CUBN: variants seen among roughly 807,000 people sequenced by gnomAD.
CUBN encodes the protein cubilin.
Under a neutral mutation model 405.3 loss-of-function variants are expected in CUBN, and 282 were observed. The observed-to-expected ratio is 0.70, with a 90% CI of 0.63 to 0.77. The LOEUF is 0.77. Ranked by LOEUF, CUBN falls within the 30% of genes least tolerant of loss-of-function variation. The probability of loss-of-function intolerance (pLI) is 0.00; values close to 1 mark genes in which losing one functional copy is unlikely to be tolerated. For missense variants in CUBN, 4,514 were observed against 4,475.2 expected, an observed-to-expected ratio of 1.01 and a Z score of -0.25; for synonymous variants, 1,684 against 1,617.0, an observed-to-expected ratio of 1.04 and a Z score of -0.99.
Position 17,065,652 on chromosome 10 carries a change from A to C in CUBN, c.3009-14T>G, listed in dbSNP as rs1462049547. 1 of 1,612,908 alleles carries C rather than the reference A, an allele frequency of 6.2e-7. No individual in the cohort carries two copies. Among genetic ancestry groups the C allele is most frequent in the East Asian group, 2.2e-5 (1 of 44,852 alleles). On this transcript the variant is annotated splice_polypyrimidine_tract_variant and intron_variant, in intron 21 of 66. Coordinates refer to ENST00000377833, the MANE Select transcript of CUBN (RefSeq NM_001081.4). ...TTTCCACAGTATCTATTCCAAACCAAGAAAGGACAGATGTGTGTATTTTAG... is the reference window on the plus strand; with the variant it reads ...TTTCCACAGTATCTATTCCAAACCACGAAAGGACAGATGTGTGTATTTTAG...
At chr10:16,999,891 A>T (rs1833832326) in intron 28 of CUBN, among the ~76,000 whole-genome samples, 1 of 151,932 alleles carries the variant, frequency 6.6e-6, no homozygotes, top group Non-Finnish European at 1.5e-5. Flanking sequence ...CCAACCTCTA[A>T]CCTTCCCTCT....
chr10:16,954,981 A>G (rs1007105147), intron 31 of CUBN, among the ~76,000 whole-genome samples: 4 of 152,220 alleles, frequency 2.6e-5, no homozygotes, highest in African/African-American at 4.8e-5. Flanking sequence ...TTTGTTCTTC[A>G]TAAGTTTCGT....
At chr10:16,939,960 T>A in intron 37 of CUBN, 72 bp downstream of exon 37, 1 of 1,241,044 alleles carries the variant, frequency 8.1e-7, no homozygotes, top group South Asian at 1.2e-5. Flanking sequence ...CTTAATATAT[T>A]ACTGAGAAAA....
chr10:17,025,892 G>T (rs1834649555), intron 27 of CUBN, among the ~76,000 whole-genome samples: 1 of 152,170 alleles, frequency 6.6e-6, no homozygotes, highest in African/African-American at 2.4e-5. Flanking sequence ...GTGTGGAAGG[G>T]ATTGCGGGAG....
intron 22 of CUBN, among the ~76,000 whole-genome samples, chr10:17,055,809 G>C (rs561977598): frequency 1.5e-3 from 223 of 152,176 alleles, no homozygotes; most frequent in African/African-American, 5.1e-3. Flanking sequence ...TATGTTCATG[G>C]ATTGGAAGGC....
At chr10:16,884,370 T>C (rs1225660367) in intron 56 of CUBN, among the ~76,000 whole-genome samples, 1 of 144,446 alleles carries the variant, frequency 6.9e-6, no homozygotes, top group Non-Finnish European at 1.5e-5. Context: ...ATCTATGAAG[T>C]AAGAAAACTG....
intron 11 of CUBN, 147 bp downstream of exon 11, chr10:17,105,310 C>G (rs1312616704): frequency 2.8e-6 from 2 of 712,876 alleles, no homozygotes; most frequent in African/African-American, 1.8e-5. Flanking sequence ...AAATCATTAT[C>G]TATCTTTCAT....
Position 17,100,068 on chromosome 10 carries a change from G to A in CUBN, c.1702C>T (p.Leu568Phe), listed in dbSNP as rs758146171. 1.2e-5 allele frequency: 20 copies of A among 1,613,920 alleles called. No homozygotes were observed. Among genetic ancestry groups the A allele is most frequent in the Non-Finnish European group, 1.7e-5 (20 of 1,179,912 alleles). The change falls in exon 14 of 67, where the codon CTC becomes TTC. Residue 568 changes from leucine to phenylalanine, a missense_variant. Around this residue, in one of 5 missense-constraint regions of CUBN, gnomAD observed 1,448 missense variants for 1,388.0 expected, o/e 1.04. Coordinates refer to ENST00000377833, the MANE Select transcript of CUBN (RefSeq NM_001081.4). ...LSSDNALYFH[L>F]YSEHLRNGRG... Reference sequence around the variant, plus strand: ...CCATTTCTTAAATGTTCAGAATAGAGATGAAAATAGAGAGCATTGTCACTG... The same window carrying A: ...CCATTTCTTAAATGTTCAGAATAGAAATGAAAATAGAGAGCATTGTCACTG...
In CUBN at chr10:17,055,281, C is replaced by T. The variant is rs115757258; in HGVS notation, c.3140-7678G>A. ...GGGAACTCCACAAACTGATGAATGG[C>T]ATCTATGGAAAATCCAAAGCTAACA... On this transcript the variant is annotated intron_variant, in intron 22 of 66. Coordinates refer to ENST00000377833, the MANE Select transcript of CUBN (RefSeq NM_001081.4). Among the ~76,000 whole-genome samples, 545 of 152,152 alleles carry T rather than the reference C, an allele frequency of 3.6e-3. 4 individuals carry two copies. Among genetic ancestry groups the T allele is most frequent in the African/African-American group, 0.013 (520 of 41,544 alleles).
chr10:17,113,467 A>G (rs559046243), intron 8 of CUBN, among the ~76,000 whole-genome samples: 39 of 152,328 alleles, frequency 2.6e-4, no homozygotes, highest in African/African-American at 8.7e-4. Flanking sequence ...TATCTCATAA[A>G]ACAAAAGATG....
intron 29 of CUBN, among the ~76,000 whole-genome samples, chr10:16,989,105 C>G (rs1015421769): frequency 1.3e-5 from 2 of 152,066 alleles, no homozygotes; most frequent in African/African-American, 4.8e-5. Flanking sequence ...ACAAAGCAAA[C>G]AAACATCTAG....
intron 59 of CUBN, among the ~76,000 whole-genome samples, chr10:16,856,803 A>T (rs1839882697): frequency 6.6e-6 from 1 of 152,196 alleles, no homozygotes; most frequent in South Asian, 2.1e-4. Context: ...GTTTCCAGCA[A>T]GCCATCTGTG....
intron 25 of CUBN, 89 bp downstream of exon 25, chr10:17,044,918 C>T (rs1835091497): frequency 1.7e-5 from 22 of 1,318,444 alleles, no homozygotes; most frequent in Non-Finnish European, 2.2e-5. Context: ...AGATGCTCCC[C>T]TTTCCTGAAT....
At chr10:16,843,736 GATCTTCAAGAC>G (rs1839428777) in intron 60 of CUBN, among the ~76,000 whole-genome samples, 1 of 152,162 alleles carries the variant, frequency 6.6e-6, no homozygotes, top group South Asian at 2.1e-4. Flanking sequence ...GCCCTTTCCA[GATCTTCAAGAC>G]ATAAGACCCC....
chr10:17,041,117 C>T lies in CUBN; in HGVS notation c.3933G>A (p.Arg1311=), dbSNP rs766640236. ...SENQHCNWTI[R]ATTGNTVNYT... ...AGTTCACAGTGTTGCCTGTTGTTGC[C>T]CGGATGGTCCAGTTGCAATGCTGAT... is the stretch of plus-strand genomic sequence containing the variant. Residue 1311 remains arginine, a synonymous_variant, in exon 27 of 67, where the codon CGG becomes CGA. Coordinates refer to ENST00000377833, the MANE Select transcript of CUBN (RefSeq NM_001081.4). The T allele has an allele frequency of 7.4e-6, 12 of 1,613,144 alleles. No individual in the cohort carries two copies. Among genetic ancestry groups the T allele is most frequent in the African/African-American group, 1.3e-5 (1 of 74,758 alleles).
intron 28 of CUBN, among the ~76,000 whole-genome samples, chr10:16,996,718 C>A (rs1383128049): frequency 1.3e-5 from 2 of 152,188 alleles, no homozygotes; most frequent in East Asian, 3.8e-4. Flanking sequence ...TATTGCCCGG[C>A]GACTGCTCAA....
At chr10:17,033,385 A>C (rs1834825058) in intron 27 of CUBN, among the ~76,000 whole-genome samples, 1 of 152,152 alleles carries the variant, frequency 6.6e-6, no homozygotes, top group African/African-American at 2.4e-5. Flanking sequence ...TTAAATTTTT[A>C]TTGTGTGATA....
chr10:17,056,468 G>A (rs1395021693), intron 22 of CUBN, among the ~76,000 whole-genome samples: 2 of 152,002 alleles, frequency 1.3e-5, no homozygotes, highest in Non-Finnish European at 2.9e-5. Context: ...AATTACCTGG[G>A]CATGGTGGCG....
chr10:16,968,338 G>A (rs11819462), intron 31 of CUBN, among the ~76,000 whole-genome samples: 3,230 of 150,968 alleles, frequency 0.021, 127 homozygotes, highest in African/African-American at 0.075. Flanking sequence ...TTTTTTTTCC[G>A]GATCACATCA....
Sources: gnomAD v4.1 joint callset for allele counts (sites outside exome capture counted in the v4.1 genomes callset) on GRCh38, gnomAD v4.1.1 for gene constraint, gnomAD v4.1.1 regional missense constraint, MANE v1.5 for transcripts, NCBI Gene and HGNC (gene_info 2026-07-23, HGNC 2026-07-21) for gene names.